The following CACNA1S variants were observed in gnomAD, a reference collection of about 807,000 sequenced individuals.
The protein encoded by CACNA1S is calcium voltage-gated channel subunit alpha1 S, also known as voltage-dependent L-type calcium channel subunit alpha-1S.
CACNA1S carries 126 observed loss-of-function variants against 207.4 expected under a neutral mutation model. That is an observed-to-expected ratio of 0.61 (90% CI 0.53 to 0.70). The LOEUF is 0.70. Ranked by LOEUF, CACNA1S falls within the 30% of genes least tolerant of loss-of-function variation. The probability of loss-of-function intolerance (pLI) is 0.00; values close to 1 mark genes in which losing one functional copy is unlikely to be tolerated. For missense variants in CACNA1S, 2,349 were observed against 2,422.8 expected, an observed-to-expected ratio of 0.97 and a Z score of 0.64; for synonymous variants, 960 against 932.7, an observed-to-expected ratio of 1.03 and a Z score of -0.53.
chr1:201,080,158 G>A (rs7513787), intron 10 of CACNA1S, among the ~76,000 whole-genome samples: 3,499 of 152,254 alleles, frequency 0.023, 132 homozygotes, highest in African/African-American at 0.076. Context: ...TTCTTCAGCT[G>A]AGACTGCTCT....
intron 28 of CACNA1S, 77 bp downstream of exon 28, chr1:201,058,331 C>T (rs1660920825): frequency 8.1e-7 from 1 of 1,231,488 alleles, no homozygotes; most frequent in Admixed American, 1.7e-5. Flanking sequence ...ACACAGTGGG[C>T]ACCCCACAAA....
At chr1:201,071,540 A>C (rs1661435600) in intron 16 of CACNA1S, among the ~76,000 whole-genome samples, 2 of 152,138 alleles carry the variant, frequency 1.3e-5, no homozygotes, top group Admixed American at 1.3e-4. Context: ...AAGCCATTTC[A>C]AACTATTTTT....
chr1:201,105,199 A>C (rs1572074100), intron 2 of CACNA1S, among the ~76,000 whole-genome samples: 1 of 152,310 alleles, frequency 6.6e-6, no homozygotes, highest in East Asian at 1.9e-4. Flanking sequence ...CTTTACCTGA[A>C]ATAATCCTTT....
rs1572043239 is a variant in CACNA1S at position 201,070,283 on chromosome 1, G to A, written c.2349C>T (p.Ser783=). ...IPEASSFFIF[S]PTNKIRVLCH... ...CAAGGGGCACCCACTTATTGGTGGG[G>A]CTGAAGATGAAGAAGGAGCTGGCTT... The change falls in exon 17 of 44, where the codon AGC becomes AGT. Residue 783 remains serine, a synonymous_variant. Coordinates refer to ENST00000362061, the MANE Select transcript of CACNA1S (RefSeq NM_000069.3). The A allele has an allele frequency of 6.2e-7, 1 of 1,614,002 alleles. No homozygotes were observed.
intron 19 of CACNA1S, among the ~76,000 whole-genome samples, chr1:201,067,518 G>A (rs1415565773): frequency 1.3e-5 from 2 of 152,124 alleles, no homozygotes; most frequent in African/African-American, 4.8e-5. Flanking sequence ...TTGCACAAAT[G>A]CATTTTGCCC....
intron 28 of CACNA1S, 79 bp from the exon 29 acceptor site, chr1:201,054,640 G>C: frequency 9.0e-7 from 1 of 1,108,710 alleles, no homozygotes; most frequent in Admixed American, 2.1e-5. Flanking sequence ...GTGAAGAGAC[G>C]TGTCAGAAAG....
In CACNA1S at chr1:201,078,090, C is replaced by T. The variant is rs867624444; in HGVS notation, c.1408G>A (p.Val470Met). Residue 470 changes from valine to methionine, a missense_variant, in exon 11 of 44, where the codon GTG (valine) becomes ATG (methionine). By Grantham distance (21) the Val-to-Met change is conservative. Transcript: ENST00000362061. ...LTRLQDIANRVLLSLFTTEML... is the reference protein window; with the variant it reads ...LTRLQDIANRMLLSLFTTEML... ...TCAGTGGTGAAGAGGGACAGCAGCA[C>T]CCGGTTGGCAATGTCTGTAGGGTTG... The T allele has an allele frequency of 4.3e-6, 7 of 1,614,120 alleles. No individual in the cohort carries two copies. In the East Asian group the frequency reaches 1.3e-4, roughly 31 times the overall value.
At chr1:201,050,752 C>T (rs1249478467) in intron 33 of CACNA1S, among the ~76,000 whole-genome samples, 1 of 142,468 alleles carries the variant, frequency 7.0e-6, no homozygotes, top group African/African-American at 2.6e-5. Context: ...CTAACCAAAA[C>T]AAAAAAAAAA....
chr1:201,089,597 G>A (rs1662158681), intron 5 of CACNA1S, 134 bp from the exon 6 acceptor site: 2 of 848,466 alleles, frequency 2.4e-6, no homozygotes, highest in Admixed American at 4.0e-5. Context: ...GCAAAAGACA[G>A]CTTCACATGG....
chr1:201,066,041 C>G lies in CACNA1S; in HGVS notation c.2746-96G>C. On this transcript the variant is annotated intron_variant, in intron 21 of 43. Transcript: ENST00000362061. This position sits in a 1 kb window ranked among gnomAD's most constrained non-coding sequence, Gnocchi z 4.3. Reference sequence around the variant, plus strand: ...CCCAGGAGTGCAAGACTTGCTGCCTCCTGATGAGTTGGAGGTGGGGAAAGG... The same window carrying G: ...CCCAGGAGTGCAAGACTTGCTGCCTGCTGATGAGTTGGAGGTGGGGAAAGG... 1 of 998,038 alleles carries G rather than the reference C, an allele frequency of 1.0e-6. No individual in the cohort carries two copies. Among genetic ancestry groups the G allele is most frequent in the Non-Finnish European group, 1.6e-6 (1 of 640,600 alleles). 61.8% of individuals were successfully genotyped at this position (998,038 alleles called of 1,614,324 possible).
In CACNA1S at chr1:201,066,440, C is replaced by T. The variant is rs1661244716; in HGVS notation, c.2658-124G>A. The stretch of plus-strand genomic sequence containing the variant: ...GCCTTTCTGCCTGAAAACACTCCCA[C>T]CTTCCCCTTCCCTTTCCTCCAGCCG... On this transcript the variant is annotated intron_variant, in intron 20 of 43. Coordinates refer to ENST00000362061, the MANE Select transcript of CACNA1S (RefSeq NM_000069.3). The surrounding 1 kb of genome is among the most constrained non-coding windows in gnomAD (Gnocchi z 4.3). The T allele has an allele frequency of 1.2e-6, 1 of 805,048 alleles. No individual in the cohort carries two copies. Among genetic ancestry groups the T allele is most frequent in the African/African-American group, 1.7e-5 (1 of 59,330 alleles). 49.9% of individuals were successfully genotyped at this position (805,048 alleles called of 1,614,324 possible).
At position 201,059,238 on chromosome 1, in the gene CACNA1S, ATAG is replaced by A. The variant is rs1660957894; in HGVS notation, c.3473_3475del (p.Thr1158del). On this transcript the variant is annotated inframe_deletion, in exon 27 of 44. Coordinates refer to ENST00000362061, the MANE Select transcript of CACNA1S (RefSeq NM_000069.3). ...GAGGATCATCTCCAGGGTGAAGATG[ATAG>A]TGAAGGCCACATTGAGGATGTCTGA... 1 of 1,613,958 alleles carries A rather than the reference ATAG, an allele frequency of 6.2e-7. No homozygotes were observed. The highest frequency in any genetic ancestry group is 1.3e-5 in the African/African-American group (1 of 74,914).
At chr1:201,050,597 C>A in intron 33 of CACNA1S, 81 bp from the exon 34 acceptor site, 2 of 1,549,514 alleles carry the variant, frequency 1.3e-6, no homozygotes, top group Non-Finnish European at 1.8e-6. Context: ...GAGGTGTCCA[C>A]TGGCCCACAA....
intron 1 of CACNA1S, among the ~76,000 whole-genome samples, chr1:201,110,596 TC>T (rs1469530281): frequency 6.6e-6 from 1 of 152,198 alleles, no homozygotes; most frequent in Non-Finnish European, 1.5e-5. Flanking sequence ...TCAGCGCCTG[TC>T]CATGCCCTTG....
rs1426011893 is a variant in CACNA1S, at chr1:201,041,519, G to C, written c.5119C>G (p.Pro1707Ala). 9 of 1,613,788 alleles carry C rather than the reference G, an allele frequency of 5.6e-6. No individual in the cohort carries two copies. The East Asian group carries it at 2.0e-4, about 36-fold the overall frequency. ...AGGGACTGACCCAGGACCCTGCAGG[G>C]TTGGCCAAGGGCTCGTCCTCTGGTA... is the stretch of plus-strand genomic sequence containing the variant. ...PATRGRALGQ[P>A]CRVLGPHSKP... The change falls in exon 41 of 44, where the codon CCC becomes GCC. Residue 1707 changes from proline (P) to alanine (A), a missense_variant. Pro to Ala is a conservative substitution (Grantham distance 27). Transcript: ENST00000362061.
chr1:201,066,067 C>A lies in CACNA1S; in HGVS notation c.2746-122G>T. 1.1e-6 allele frequency: 1 copy of A among 931,652 alleles called. No homozygotes were observed. Among genetic ancestry groups the A allele is most frequent in the Non-Finnish European group, 1.7e-6 (1 of 582,786 alleles). The allele number at this position is 931,652 out of a possible 1,614,324, so 57.7% of individuals were successfully genotyped here. A position where few individuals can be genotyped will look rare whatever the true frequency, so the allele number is the denominator to read the frequency against. On this transcript the variant is annotated intron_variant, in intron 21 of 43. Coordinates refer to ENST00000362061, the MANE Select transcript of CACNA1S (RefSeq NM_000069.3). The surrounding 1 kb of genome is among the most constrained non-coding windows in gnomAD (Gnocchi z 4.3). Reference sequence around the variant, plus strand: ...CTGATGAGTTGGAGGTGGGGAAAGGCTGGTGGGGAAGCATAGCTACCCCAG... The same window carrying A: ...CTGATGAGTTGGAGGTGGGGAAAGGATGGTGGGGAAGCATAGCTACCCCAG...
rs750152040 is a variant in CACNA1S, at chr1:201,087,824, A to G, written c.1004+2T>C. On this transcript the variant is annotated splice_donor_variant, in intron 7 of 43. Coordinates refer to ENST00000362061, the MANE Select transcript of CACNA1S (RefSeq NM_000069.3). LOFTEE classifies it high-confidence loss of function. ...TCCCCTGGCTACCTTTGAATTTCTT[A>G]CCCACTCAGGACACCCAGCACCAGG... The G allele has an allele frequency of 6.3e-7, 1 of 1,596,662 alleles. No individual in the cohort carries two copies.
Position 201,061,409 on chromosome 1 carries a change from C to G in CACNA1S, c.3113G>C (p.Arg1038Pro). ...AEDVGPIYNN[R>P]VEMAIFFIIY... ...GATGAAGAAGATGGCCATCTCCACA[C>G]GGTTGTTGTAGATGGGACCCACGTC... The change falls in exon 25 of 44, where the codon CGT (arginine) becomes CCT (proline). Residue 1038 changes from arginine to proline, a missense_variant. By Grantham distance (103) the Arg-to-Pro change is moderately radical (BLOSUM62 -2). Transcript: ENST00000362061. 1.2e-6 allele frequency: 2 copies of G among 1,614,148 alleles called. No homozygotes were observed. The highest frequency in any genetic ancestry group is 1.7e-6 in the Non-Finnish European group (2 of 1,179,960).
At chr1:201,061,491 G>A in intron 24 of CACNA1S, 23 bp from the exon 25 acceptor site, 1 of 1,607,386 alleles carries the variant, frequency 6.2e-7, no homozygotes, top group South Asian at 1.1e-5. Context: ...AGAGAAGAGA[G>A]GACAGACTGG....
Sources: allele counts gnomAD v4.1 joint callset (sites outside exome capture counted in the v4.1 genomes callset), GRCh38; gene constraint gnomAD v4.1.1; non-coding constraint Gnocchi (gnomAD v3.1); transcripts MANE v1.5; gene names NCBI Gene and HGNC (gene_info 2026-07-23, HGNC 2026-07-21).